Variants in COL4A2 observed in about 807,000 individuals in gnomAD.
The protein encoded by COL4A2 is collagen alpha-2(IV) chain.
COL4A2 carries 99 observed loss-of-function variants against 200.2 expected under a neutral mutation model. The observed-to-expected ratio is 0.49, with a 90% CI of 0.42 to 0.58. The LOEUF is 0.58. COL4A2 is among the 20% of genes least tolerant of loss of function. The probability of loss-of-function intolerance (pLI) is 0.00; values close to 1 mark genes in which losing one functional copy is unlikely to be tolerated. For synonymous variants in COL4A2, 897 were observed against 900.6 expected, an observed-to-expected ratio of 1.00 and a Z score of 0.07; for missense variants, 1,950 against 2,314.1, an observed-to-expected ratio of 0.84 and a Z score of 3.23.
intron 40 of COL4A2, among the ~76,000 whole-genome samples, chr13:110,498,360 C>T (rs1184567679): frequency 1.3e-5 from 2 of 152,156 alleles, no homozygotes; most frequent in Non-Finnish European, 2.9e-5. Context: ...TGAAAGGCAT[C>T]TGGGAATGCA....
chr13:110,453,454 C>G (rs1274920854), intron 20 of COL4A2, among the ~76,000 whole-genome samples: 1 of 152,148 alleles, frequency 6.6e-6, no homozygotes, highest in East Asian at 1.9e-4. Flanking sequence ...TGAGCCAAGA[C>G]CGCACCTTTG....
chr13:110,472,265 G>A (rs567163413), intron 28 of COL4A2, among the ~76,000 whole-genome samples: 41 of 146,638 alleles, frequency 2.8e-4, no homozygotes, highest in Non-Finnish European at 4.5e-4. Flanking sequence ...ACAGGCATCC[G>A]CCACCACACC....
At chr13:110,313,182 G>C (rs1056227652) in intron 3 of COL4A2, among the ~76,000 whole-genome samples, 1 of 152,088 alleles carries the variant, frequency 6.6e-6, no homozygotes, top group Admixed American at 6.5e-5. Context: ...TGAGGAAAAG[G>C]GCAGAGTTCC....
intron 4 of COL4A2, among the ~76,000 whole-genome samples, chr13:110,380,377 G>A (rs1009309110): frequency 1.3e-5 from 2 of 152,176 alleles, no homozygotes; most frequent in Non-Finnish European, 2.9e-5. Flanking sequence ...AACTTTTCCT[G>A]TGCCTTTGCC....
At chr13:110,495,502 C>G (rs1594108598) in intron 40 of COL4A2, 35 bp downstream of exon 40, 5 of 1,602,956 alleles carry the variant, frequency 3.1e-6, no homozygotes, top group Middle Eastern at 1.7e-4. Context: ...CATTGCCGTC[C>G]CAGTAACCAG....
chr13:110,435,621 G>A (rs1465264420), intron 12 of COL4A2, among the ~76,000 whole-genome samples: 2 of 152,138 alleles, frequency 1.3e-5, no homozygotes, highest in African/African-American at 2.4e-5. Flanking sequence ...GTTTAATGTG[G>A]AAAGAAAGGA....
chr13:110,451,110 C>T (rs779649119), intron 20 of COL4A2, among the ~76,000 whole-genome samples: 3 of 152,180 alleles, frequency 2.0e-5, no homozygotes, highest in Non-Finnish European at 2.9e-5. Flanking sequence ...CCTGAGTCAG[C>T]AAAGATGCTC....
At chr13:110,429,981 G>A (rs1207322992) in intron 8 of COL4A2, 25 bp downstream of exon 8, 2 of 1,556,752 alleles carry the variant, frequency 1.3e-6, no homozygotes, top group Admixed American at 2.1e-5. Context: ...GATGGGAGGG[G>A]TAATGAAGGG....
chr13:110,484,853 T>C, intron 32 of COL4A2, 52 bp from the exon 33 acceptor site: 1 of 1,543,908 alleles, frequency 6.5e-7, no homozygotes, highest in Non-Finnish European at 8.8e-7. Flanking sequence ...ACCTGTGTTC[T>C]CCTGCGTGGT....
Position 110,501,660 on chromosome 13 carries a change from A to G in COL4A2, c.3761-8A>G, listed in dbSNP as rs768297706. 7 of 1,608,552 alleles carry G rather than the reference A, an allele frequency of 4.4e-6. No homozygotes were observed. Among genetic ancestry groups the G allele is most frequent in the Non-Finnish European group, 6.0e-6 (7 of 1,175,010 alleles). The stretch of plus-strand genomic sequence containing the variant: ...GCTGAAAATAATTTCTTCTGTTTTC[A>G]TCCTAAGGGGAACGAGGCCCACCTG... On this transcript the variant is annotated splice_polypyrimidine_tract_variant and splice_region_variant and intron_variant, in intron 40 of 47. Transcript: ENST00000360467.
chr13:110,434,345 T>C (rs1880793505), intron 11 of COL4A2, 56 bp from the exon 12 acceptor site: 2 of 1,532,166 alleles, frequency 1.3e-6, no homozygotes, highest in Non-Finnish European at 1.8e-6. Flanking sequence ...AAAATAATTT[T>C]ATTTCTCTCT....
chr13:110,416,685 C>G (rs191163104), intron 4 of COL4A2, among the ~76,000 whole-genome samples: 6 of 151,712 alleles, frequency 4.0e-5, no homozygotes, highest in Non-Finnish European at 7.4e-5. Context: ...TGTACATCTA[C>G]CCCAGTCAAA....
At chr13:110,333,933 C>T (rs1035882581) in intron 3 of COL4A2, among the ~76,000 whole-genome samples, 2 of 152,206 alleles carry the variant, frequency 1.3e-5, no homozygotes, top group African/African-American at 4.8e-5. Flanking sequence ...ATGTCATCCT[C>T]ATCTCACAGA....
At chr13:110,407,493 CA>C (rs1879616028) in intron 4 of COL4A2, among the ~76,000 whole-genome samples, 1 of 152,246 alleles carries the variant, frequency 6.6e-6, no homozygotes, top group Non-Finnish European at 1.5e-5. Flanking sequence ...GCCTGGGCAT[CA>C]CATCCACCGA....
At position 110,462,228 on chromosome 13, in the gene COL4A2, C is replaced by T. The variant is rs768370216; in HGVS notation, c.1669+42C>T. ...CCACGCGGCCCCTGGGGCACTGAGC[C>T]TTCCTGTGGGCACCTGCCTGGGCAG... On this transcript the variant is annotated intron_variant, in intron 23 of 47. Transcript: ENST00000360467. 3.7e-6 allele frequency: 6 copies of T among 1,614,286 alleles called. No homozygotes were observed. The Admixed American group carries it at 8.3e-5, about 22-fold the overall frequency.
chr13:110,446,077 A>G (rs1263063247), intron 17 of COL4A2, among the ~76,000 whole-genome samples, 195 bp downstream of exon 17: 1 of 152,126 alleles, frequency 6.6e-6, no homozygotes, highest in Non-Finnish European at 1.5e-5. Flanking sequence ...TGCCAGGGAG[A>G]AGGGTGCCAC....
intron 47 of COL4A2, among the ~76,000 whole-genome samples, chr13:110,509,550 CCT>C (rs1310145231): frequency 2.0e-5 from 3 of 152,004 alleles, no homozygotes; most frequent in Non-Finnish European, 2.9e-5. Context: ...TCAGGGTGCC[CCT>C]GTGTCAGGAA....
rs561692956 is a variant in COL4A2 at position 110,505,443 on chromosome 13, C to T, written c.4403-972C>T. Among the ~76,000 whole-genome samples the T allele has an allele frequency of 7.8e-4, 119 of 152,294 alleles. 2 individuals are homozygous for T. In the South Asian group the frequency reaches 0.023, roughly 29 times the overall value. ...CTGCCCCTGGGGACAGATCCGCAGC[C>T]GGCAAATTATGGGTAGTGTGGGGTG... On this transcript the variant is annotated intron_variant, in intron 45 of 47. Coordinates refer to ENST00000360467, the MANE Select transcript of COL4A2 (RefSeq NM_001846.4).
chr13:110,490,176 G>T (rs1288581451), intron 36 of COL4A2, among the ~76,000 whole-genome samples: 3 of 152,248 alleles, frequency 2.0e-5, no homozygotes, highest in Non-Finnish European at 4.4e-5. Flanking sequence ...AGGAAAGGGG[G>T]AGTGGGAGTC....
Sources: gnomAD v4.1 joint callset for allele counts (sites outside exome capture counted in the v4.1 genomes callset) on GRCh38, gnomAD v4.1.1 for gene constraint, MANE v1.5 for transcripts, NCBI Gene and HGNC (gene_info 2026-07-23, HGNC 2026-07-21) for gene names.